The following FAHD1 variants were observed in gnomAD, a reference collection of about 807,000 sequenced individuals.
FAHD1 encodes the protein oxaloacetate tautomerase FAHD1, mitochondrial.
In FAHD1, 14 loss-of-function variants were observed where a neutral mutation model predicts 12.7. The ratio of observed to expected loss-of-function variants is 1.10; its 90% CI spans 0.73 to 1.72. The LOEUF (loss-of-function observed/expected upper bound fraction) is 1.72, where lower values mean the gene tolerates loss of function less well. Among genes scored for constraint, FAHD1 ranks in the 40% most tolerant of loss-of-function variants. The pLI is 0.00. For missense variants in FAHD1, 351 were observed against 298.9 expected (o/e 1.17, Z -1.29); for synonymous variants, 153 against 124.9 (o/e 1.22, Z -1.50).
chr16:1,833,039 T>G (rs1898651535), downstream of FAHD1, among the ~76,000 whole-genome samples: 1 of 152,040 alleles, frequency 6.6e-6, no homozygotes, highest in African/African-American at 2.4e-5. Context: ...TTTTTTTCAA[T>G]CCTGTGGTGG....
chr16:1,840,106 T>G (rs1898861773), exon 3 of FAHD1: 1 of 152,196 alleles, frequency 6.6e-6, no homozygotes, highest in Non-Finnish European at 1.5e-5. Flanking sequence ...ATAGGGGAAA[T>G]GAACTGAAGA....
At chr16:1,835,428 T>C (rs893024062) in intron 1 of FAHD1, among the ~76,000 whole-genome samples, 3 of 152,236 alleles carry the variant, frequency 2.0e-5, no homozygotes, top group African/African-American at 7.2e-5. Flanking sequence ...TTTTATAATT[T>C]ATACAGCACT....
chr16:1,839,644 C>T (rs3813760), exon 3 of FAHD1: 90,372 of 490,832 alleles, frequency 0.18, 8,873 homozygotes, highest in South Asian at 0.29. Context: ...TCTGAAACTG[C>T]GTACACCAGT....
rs1065587 is a variant in FAHD1, at chr16:1,828,739, A to G, written c.*835A>G. The stretch of plus-strand genomic sequence containing the variant: ...CATTCCAAGTGATTCTTATCAGGAA[A>G]TGTGAAAAACACTCCTGTACATAAT... On this transcript the variant is annotated 3_prime_UTR_variant, in exon 1 of 1. Coordinates refer to ENST00000427358, the Ensembl canonical transcript of FAHD1. 151,659 of 966,228 alleles carry G rather than the reference A, an allele frequency of 0.16. 12,477 individuals carry two copies. Among genetic ancestry groups the G allele is most frequent in the South Asian group, 0.27 (5,530 of 20,436 alleles). 59.9% of individuals were successfully genotyped at this position (966,228 alleles called of 1,614,324 possible).
At chr16:1,827,869 A>T in exon 1 of FAHD1, 1 of 1,613,938 alleles carries the variant, frequency 6.2e-7, no homozygotes, top group South Asian at 1.1e-5. Flanking sequence ...CGGGCTGGTC[A>T]GTATGACATT....
rs747850768 is a variant in FAHD1 at position 1,834,313 on chromosome 16, G to A, written c.628-3703G>A. 2.5e-6 allele frequency: 4 copies of A among 1,613,278 alleles called. No homozygotes were observed. In the East Asian group the frequency reaches 6.7e-5, roughly 27 times the overall value. On this transcript the variant is annotated intron_variant, in intron 1 of 2. Transcript: ENST00000382666. The stretch of plus-strand genomic sequence containing the variant: ...TTGCCTCAGTAGGATCTGCAAGCTT[G>A]CACGAGAGTACACTAATTTTCAATC...
At chr16:1,829,053 C>T, downstream of FAHD1, 2 of 424,982 alleles carry the variant, frequency 4.7e-6, no homozygotes, top group Non-Finnish European at 6.4e-6. Flanking sequence ...AACTGTACTT[C>T]CCAACCGGAG....
chr16:1,827,725 A>AT lies in FAHD1; in HGVS notation c.493dup (p.Ser165PhefsTer11). 6.2e-7 allele frequency: 1 copy of AT among 1,614,058 alleles called. No homozygotes were observed. Among genetic ancestry groups the AT allele is most frequent in the African/African-American group, 1.3e-5 (1 of 75,016 alleles). The stretch of plus-strand genomic sequence containing the variant: ...ACAGGAGGGTGAGACATCCTCCATG[A>AT]TTTTTTCCATCCCCTACATCATCAG... On this transcript the variant is annotated frameshift_variant, in exon 1 of 1. Transcript: ENST00000427358. LOFTEE classifies it high-confidence loss of function.
At chr16:1,827,882 A>C (rs764254165) in exon 1 of FAHD1, 1 of 1,613,492 alleles carries the variant, frequency 6.2e-7, no homozygotes, top group South Asian at 1.1e-5. Context: ...ATGACATTTA[A>C]AGTGGAAAAG....
chr16:1,835,461 T>C (rs1898717755), intron 1 of FAHD1, among the ~76,000 whole-genome samples: 1 of 152,092 alleles, frequency 6.6e-6, no homozygotes. Context: ...TTATTTAATA[T>C]AGAGTGGAAG....
intron 2 of FAHD1, chr16:1,839,134 C>T: frequency 8.5e-7 from 1 of 1,176,896 alleles, no homozygotes; most frequent in East Asian, 2.7e-5. Context: ...ATGATTTTTT[C>T]CCAGGCTGTT....
intron 1 of FAHD1, among the ~76,000 whole-genome samples, chr16:1,835,997 T>G (rs1401114983): frequency 6.6e-6 from 1 of 151,986 alleles, no homozygotes; most frequent in Non-Finnish European, 1.5e-5. Flanking sequence ...GTAGCTGGGA[T>G]GACAGGCACC....
chr16:1,840,110 C>T (rs1898861916), exon 3 of FAHD1: 1 of 152,148 alleles, frequency 6.6e-6, no homozygotes, highest in Non-Finnish European at 1.5e-5. Context: ...GGGAAATGAA[C>T]TGAAGATAGT....
chr16:1,838,578 AAC>A (rs1898811137), intron 2 of FAHD1, among the ~76,000 whole-genome samples: 2 of 152,212 alleles, frequency 1.3e-5, no homozygotes, highest in Non-Finnish European at 1.5e-5. Flanking sequence ...GAGTAGGTGA[AAC>A]ACAGCCAAAT....
intron 1 of FAHD1, chr16:1,834,326 C>T: frequency 1.2e-6 from 2 of 1,613,028 alleles, no homozygotes; most frequent in Non-Finnish European, 1.7e-6. Flanking sequence ...CGAGAGTACA[C>T]TAATTTTCAA....
chr16:1,827,819 G>T (rs1246451077), exon 1 of FAHD1: 6 of 1,614,110 alleles, frequency 3.7e-6, no homozygotes. Context: ...AAGGGAGTTG[G>T]ACCGGTTAAA....
chr16:1,827,673 C>T (rs770872053), exon 1 of FAHD1: 2 of 1,614,128 alleles, frequency 1.2e-6, no homozygotes, highest in African/African-American at 1.3e-5. Context: ...AGCTGAAGCT[C>T]TGGCTCAAGG....
chr16:1,835,856 CT>C (rs1331945968), intron 1 of FAHD1, among the ~76,000 whole-genome samples: 1 of 134,044 alleles, frequency 7.5e-6, no homozygotes, highest in Non-Finnish European at 1.6e-5. Context: ...CTTCCAATTC[CT>C]TTTTCTTTTT....
chr16:1,831,920 G>T (rs531081341), downstream of FAHD1, among the ~76,000 whole-genome samples: 1 of 152,020 alleles, frequency 6.6e-6, no homozygotes, highest in Non-Finnish European at 1.5e-5. Context: ...CCGGCAATCC[G>T]TGGAAAAACT....
Sources: allele counts gnomAD v4.1 joint callset (sites outside exome capture counted in the v4.1 genomes callset), GRCh38; gene constraint gnomAD v4.1.1; transcripts MANE v1.5; gene names NCBI Gene and HGNC (gene_info 2026-07-23, HGNC 2026-07-21).